ARHGEF28: variants seen among roughly 807,000 people sequenced by gnomAD.
ARHGEF28 encodes Rho guanine nucleotide exchange factor 28, also known as 190 kDa guanine nucleotide exchange factor.
ARHGEF28 carries 152 observed loss-of-function variants against 206.6 expected under a neutral mutation model. That is an observed-to-expected ratio of 0.74 (90% CI 0.64 to 0.84). The LOEUF (loss-of-function observed/expected upper bound fraction) is 0.84, where lower values mean the gene tolerates loss of function less well. Ranked by LOEUF, ARHGEF28 falls within the 40% of genes least tolerant of loss-of-function variation. The probability of loss-of-function intolerance (pLI) is 0.00; values close to 1 mark genes in which losing one functional copy is unlikely to be tolerated. For synonymous variants in ARHGEF28, 763 were observed against 776.4 expected, an observed-to-expected ratio of 0.98 and a Z score of 0.29; for missense variants, 2,028 against 2,073.2, an observed-to-expected ratio of 0.98 and a Z score of 0.42.
chr5:73,896,750 C>T (rs1761981924), intron 29 of ARHGEF28, among the ~76,000 whole-genome samples: 1 of 152,204 alleles, frequency 6.6e-6, no homozygotes, highest in Non-Finnish European at 1.5e-5. Flanking sequence ...ATAAATCGCC[C>T]ACTCTCAGTA....
chr5:73,888,668 T>C (rs897638266), intron 26 of ARHGEF28, among the ~76,000 whole-genome samples: 11 of 152,218 alleles, frequency 7.2e-5, no homozygotes, highest in Non-Finnish European at 1.6e-4. Flanking sequence ...ATAATATAAA[T>C]ACAACTACCT....
chr5:73,908,255 A>G (rs1277777255), intron 33 of ARHGEF28: 1 of 152,224 alleles, frequency 6.6e-6, no homozygotes, highest in Non-Finnish European at 1.5e-5. Context: ...CAAGACAAGT[A>G]TGAATTTAAA....
intron 35 of ARHGEF28, among the ~76,000 whole-genome samples, chr5:73,937,728 C>A (rs978413872): frequency 6.6e-6 from 1 of 152,110 alleles, no homozygotes; most frequent in African/African-American, 2.4e-5. Flanking sequence ...AGCAAGAATT[C>A]TGCTTTCTGA....
intron 3 of ARHGEF28, among the ~76,000 whole-genome samples, chr5:73,752,681 C>T (rs575260426): frequency 2.6e-5 from 4 of 152,090 alleles, no homozygotes; most frequent in South Asian, 2.1e-4. Context: ...GTTCAGAGCT[C>T]GTAAAGGTAA....
intron 35 of ARHGEF28, among the ~76,000 whole-genome samples, chr5:73,914,857 C>T (rs1763119584): frequency 2.0e-5 from 3 of 152,240 alleles, no homozygotes; most frequent in Admixed American, 1.3e-4. Context: ...CAACCTCCCA[C>T]TTCAGCCTCC....
At chr5:73,666,178 C>A (rs1444162885) in intron 1 of ARHGEF28, among the ~76,000 whole-genome samples, 1 of 152,132 alleles carries the variant, frequency 6.6e-6, no homozygotes, top group East Asian at 1.9e-4. Flanking sequence ...AGTCTAAAAC[C>A]CAACAGGAAA....
chr5:73,938,125 A>G (rs1187531180), intron 35 of ARHGEF28, among the ~76,000 whole-genome samples: 1 of 149,344 alleles, frequency 6.7e-6, no homozygotes. Flanking sequence ...TTTTATTCTT[A>G]TTTGAAAAAG....
At chr5:73,940,609 G>A (rs1742541424) in intron 35 of ARHGEF28, among the ~76,000 whole-genome samples, 1 of 152,158 alleles carries the variant, frequency 6.6e-6, no homozygotes, top group African/African-American at 2.4e-5. Context: ...AAGATCCCAT[G>A]AACAGTAACC....
intron 13 of ARHGEF28, among the ~76,000 whole-genome samples, chr5:73,852,343 AAGAT>A (rs1214062842): frequency 1.3e-5 from 2 of 152,158 alleles, no homozygotes; most frequent in Non-Finnish European, 2.9e-5. Flanking sequence ...AGTATCCAAA[AAGAT>A]AGAGCTAATT....
chr5:73,667,850 T>A (rs1013779132), intron 1 of ARHGEF28, among the ~76,000 whole-genome samples: 19 of 152,204 alleles, frequency 1.2e-4, no homozygotes, highest in African/African-American at 2.4e-5. Flanking sequence ...TCCTAGTTCA[T>A]TGCTATTAAA....
intron 30 of ARHGEF28, chr5:73,898,768 G>C (rs1580068756): frequency 6.6e-6 from 1 of 152,208 alleles, no homozygotes; most frequent in East Asian, 1.9e-4. Flanking sequence ...CCCGAACCTA[G>C]CTATCCTGTT....
chr5:73,926,384 A>G (rs1050819215), intron 35 of ARHGEF28, among the ~76,000 whole-genome samples: 2 of 152,264 alleles, frequency 1.3e-5, no homozygotes, highest in African/African-American at 2.4e-5. Flanking sequence ...GTGCAAGTTG[A>G]CACAGGCCAT....
At chr5:73,739,629 T>A (rs1751239082) in intron 2 of ARHGEF28, among the ~76,000 whole-genome samples, 1 of 151,258 alleles carries the variant, frequency 6.6e-6, no homozygotes, top group Admixed American at 6.6e-5. Context: ...GACCAGCCTG[T>A]GCAACAGGTG....
intron 7 of ARHGEF28, among the ~76,000 whole-genome samples, chr5:73,781,397 C>T (rs1045753521): frequency 3.3e-5 from 5 of 152,142 alleles, no homozygotes; most frequent in Non-Finnish European, 5.9e-5. Flanking sequence ...CACAACATGC[C>T]ACATGGAATC....
rs79426868 is a variant in ARHGEF28 at position 73,687,205 on chromosome 5, A to G, written c.33+2321A>G. Reference sequence around the variant, plus strand: ...TTACTATGTAACTAGAAAGACTTGGAAATAACAGCATGTTACATGATAAAA... The same window carrying G: ...TTACTATGTAACTAGAAAGACTTGGGAATAACAGCATGTTACATGATAAAA... On this transcript the variant is annotated intron_variant, in intron 2 of 35. Transcript: ENST00000513042. Among the ~76,000 whole-genome samples, 407 of 152,274 alleles carry G rather than the reference A, an allele frequency of 2.7e-3. 1 individual carries two copies. The highest frequency in any genetic ancestry group is 5.4e-3 in the Admixed American group (83 of 15,296).
chr5:73,865,806 T>C (rs1263496507), intron 17 of ARHGEF28, among the ~76,000 whole-genome samples, 159 bp from the exon 18 acceptor site: 2 of 152,216 alleles, frequency 1.3e-5, no homozygotes, highest in African/African-American at 4.8e-5. Context: ...CACATTTGAC[T>C]CTTCATTGCA....
chr5:73,657,791 A>G (rs1293097468), intron 1 of ARHGEF28, among the ~76,000 whole-genome samples: 2 of 152,078 alleles, frequency 1.3e-5, no homozygotes, highest in African/African-American at 2.4e-5. Context: ...ATATTTTTCT[A>G]TTATCATTAT....
chr5:73,921,727 C>T (rs2111975171), intron 35 of ARHGEF28, among the ~76,000 whole-genome samples: 1 of 152,230 alleles, frequency 6.6e-6, no homozygotes, highest in South Asian at 2.1e-4. Context: ...GTATTAAATA[C>T]AGAATATTTG....
chr5:73,836,142 C>G (rs1407548465), intron 10 of ARHGEF28, among the ~76,000 whole-genome samples: 1 of 152,022 alleles, frequency 6.6e-6, no homozygotes, highest in Non-Finnish European at 1.5e-5. Flanking sequence ...GATAGTGATT[C>G]TGTTTCCTTT....
Sources: allele counts gnomAD v4.1 joint callset (sites outside exome capture counted in the v4.1 genomes callset), GRCh38; gene constraint gnomAD v4.1.1; transcripts MANE v1.5; gene names NCBI Gene and HGNC (gene_info 2026-07-23, HGNC 2026-07-21).